The following GRHL3 variants were observed in gnomAD, a reference collection of about 807,000 sequenced individuals.
The protein encoded by GRHL3 is grainyhead-like protein 3 homolog.
In GRHL3, 20 loss-of-function variants were observed where a neutral mutation model predicts 70.3. The observed-to-expected ratio is 0.28, with a 90% CI of 0.20 to 0.41. The LOEUF is 0.41. Among genes scored for constraint, GRHL3 ranks in the 10% least tolerant of loss-of-function variants. GRHL3 has a pLI of 1.00. For missense variants in GRHL3, 637 were observed against 762.3 expected (o/e 0.84, Z 1.94); for synonymous variants, 299 against 299.9 (o/e 1.00, Z 0.03).
chr1:24,342,822 AAGG>A lies in GRHL3; in HGVS notation c.1285+53_1285+55del. On this transcript the variant is annotated intron_variant, in intron 10 of 15. Transcript: ENST00000361548. The surrounding 1 kb of genome is among the most constrained non-coding windows in gnomAD (Gnocchi z 4.8). ...TGGGCTCGGCTGGCGTGAAGGGGAG[AAGG>A]AGACCAGAGGTGGGAGGGACTTGAG... 1 of 1,613,694 alleles carries A rather than the reference AAGG, an allele frequency of 6.2e-7. No homozygotes were observed. The highest frequency in any genetic ancestry group is 2.2e-5 in the East Asian group (1 of 44,856).
At chr1:24,331,763 T>C (rs1639625090) in intron 2 of GRHL3, 151 bp downstream of exon 2, 1 of 536,786 alleles carries the variant, frequency 1.9e-6, no homozygotes, top group Non-Finnish European at 3.2e-6. Context: ...ACCCTCCCTT[T>C]CCCATGGCTA....
chr1:24,354,544 C>G lies in GRHL3; in HGVS notation c.*56C>G, dbSNP rs1029850274. 7.3e-6 allele frequency: 8 copies of G among 1,098,528 alleles called. No homozygotes were observed. The highest frequency in any genetic ancestry group is 2.2e-4 in the Middle Eastern group (1 of 4,510). The allele number at this position is 1,098,528 out of a possible 1,614,324, so 68.0% of individuals were successfully genotyped here. A position where few individuals can be genotyped will look rare whatever the true frequency, so the allele number is the denominator to read the frequency against. ...TGCAAGGGGCCAGCAGGGACGTGGC[C>G]CCACGCCACACACAACCTCTCCACA... On this transcript the variant is annotated 3_prime_UTR_variant, in exon 16 of 16. Transcript: ENST00000361548.
At chr1:24,339,299 A>G (rs1190819947) in intron 7 of GRHL3, among the ~76,000 whole-genome samples, 3 of 145,834 alleles carry the variant, frequency 2.1e-5, no homozygotes, top group Non-Finnish European at 4.5e-5. Context: ...TTTTTGAGAC[A>G]GAGTCTCGCT....
downstream of GRHL3, chr1:24,357,770 G>A (rs930594828): frequency 1.0e-5 from 2 of 192,612 alleles, no homozygotes; most frequent in East Asian, 2.5e-4. Context: ...CCTCCACATA[G>A]AGAGACGAAA....
At chr1:24,358,705 G>C, downstream of GRHL3, 1 of 1,079,546 alleles carries the variant, frequency 9.3e-7, no homozygotes, top group South Asian at 1.4e-5. Flanking sequence ...AGCTGGAAAG[G>C]CCTGGGGACC....
intron 1 of GRHL3, among the ~76,000 whole-genome samples, chr1:24,329,377 A>C (rs1209145003): frequency 1.3e-5 from 2 of 152,202 alleles, no homozygotes; most frequent in Non-Finnish European, 2.9e-5. Context: ...ACCTGATTAC[A>C]GGGGTCTCTG....
At position 24,322,230 on chromosome 1, in the gene GRHL3, G is replaced by C. The variant is rs1268684853; in HGVS notation, c.17+2662G>C. Among the ~76,000 whole-genome samples the C allele has an allele frequency of 2.0e-5, 3 of 152,268 alleles. No individual in the cohort carries two copies. In the East Asian group the frequency reaches 5.8e-4, roughly 30 times the overall value. ...CCGCGGCCTCGCTCCCTGCTCTCTGGGCCCCACCGCTGCCGCCTGGAGTCT... is the reference window on the plus strand; with the variant it reads ...CCGCGGCCTCGCTCCCTGCTCTCTGCGCCCCACCGCTGCCGCCTGGAGTCT... On this transcript the variant is annotated intron_variant, in intron 1 of 15. Transcript: ENST00000361548. This position sits in a 1 kb window ranked among gnomAD's most constrained non-coding sequence, Gnocchi z 4.4.
rs1388421104 is a variant in GRHL3, at chr1:24,346,396, A to T, written c.1455-157A>T. ...CTGGGATTCAAACCCAGGCAGTCCA[A>T]CTCCAGACCTGCTGCTTTACCCCCA... On this transcript the variant is annotated intron_variant, in intron 12 of 15. Transcript: ENST00000361548. Among the ~76,000 whole-genome samples the T allele has an allele frequency of 2.6e-5, 4 of 151,832 alleles. No homozygotes were observed. In the East Asian group the frequency reaches 7.7e-4, roughly 29 times the overall value.
chr1:24,358,577 T>A (rs1389928694), downstream of GRHL3: 11 of 1,613,944 alleles, frequency 6.8e-6, no homozygotes, highest in Admixed American at 1.8e-4. Flanking sequence ...GTCCTCGTTG[T>A]AGAGGAAGGA....
Position 24,331,524 on chromosome 1 carries a change from C to A in GRHL3, c.116C>A (p.Pro39Gln), listed in dbSNP as rs759937117. The part of the protein sequence containing the change: ...DEAWKTYLEN[P>Q]LTAATKAMMR... Reference sequence around the variant, plus strand: ...GCCTGGAAGACGTACCTAGAAAACCCGTTGACAGCTGCCACAAAGGCCATG... The same window carrying A: ...GCCTGGAAGACGTACCTAGAAAACCAGTTGACAGCTGCCACAAAGGCCATG... The change falls in exon 2 of 16, where the codon CCG becomes CAG. Residue 39 changes from proline (P) to glutamine (Q), a missense_variant. Pro to Gln is a moderately conservative substitution (Grantham distance 76, BLOSUM62 -1). Coordinates refer to ENST00000361548, the MANE Select transcript of GRHL3 (RefSeq NM_198173.3). The A allele has an allele frequency of 6.2e-7, 1 of 1,614,148 alleles. No individual in the cohort carries two copies.
At chr1:24,352,305 G>A (rs1305899071) in intron 15 of GRHL3, among the ~76,000 whole-genome samples, 1 of 152,194 alleles carries the variant, frequency 6.6e-6, no homozygotes, top group African/African-American at 2.4e-5. Flanking sequence ...AAAGTCCTCT[G>A]GATGAAGGTG....
chr1:24,335,390 TC>T (rs2148654824), intron 3 of GRHL3, among the ~76,000 whole-genome samples: 1 of 152,268 alleles, frequency 6.6e-6, no homozygotes, highest in African/African-American at 2.4e-5. Flanking sequence ...TTCTCCACTT[TC>T]TCCTTCCTGG....
intron 1 of GRHL3, among the ~76,000 whole-genome samples, chr1:24,328,111 A>G (rs1296612001): frequency 6.6e-6 from 1 of 152,318 alleles, no homozygotes; most frequent in East Asian, 1.9e-4. Context: ...GCCTTGCAAC[A>G]GAGAATTAGT....
intron 15 of GRHL3, among the ~76,000 whole-genome samples, chr1:24,351,752 A>G (rs1341271828): frequency 6.6e-6 from 1 of 152,180 alleles, no homozygotes; most frequent in Non-Finnish European, 1.5e-5. Flanking sequence ...AGCCCCAGCC[A>G]GCTATTGAAA....
intron 13 of GRHL3, among the ~76,000 whole-genome samples, 179 bp downstream of exon 13, chr1:24,346,820 C>T (rs1264859149): frequency 6.6e-6 from 1 of 152,172 alleles, no homozygotes; most frequent in Non-Finnish European, 1.5e-5. Context: ...CTTGGAGAGA[C>T]CACCACAGGA....
intron 1 of GRHL3, chr1:24,323,203 T>C: frequency 1.2e-6 from 1 of 820,770 alleles, no homozygotes; most frequent in Non-Finnish European, 2.1e-6. Context: ...GGAGTCATTA[T>C]TTTGAAAGAG....
At chr1:24,347,378 T>A in intron 13 of GRHL3, 90 bp from the exon 14 acceptor site, 2 of 1,169,858 alleles carry the variant, frequency 1.7e-6, no homozygotes, top group East Asian at 2.4e-5. Flanking sequence ...CAGAAGTCAA[T>A]CTTCAAGTAA....
Position 24,321,914 on chromosome 1 carries a change from G to C in GRHL3, c.17+2346G>C, listed in dbSNP as rs1315170166. On this transcript the variant is annotated intron_variant, in intron 1 of 15. Transcript: ENST00000361548. This position sits in a 1 kb window ranked among gnomAD's most constrained non-coding sequence, Gnocchi z 4.0. ...GGGCAGCCCCGGGCTACCGCAGGGC[G>C]CAAGGGATCCTGGGCTGCGGCCGAG... is the stretch of plus-strand genomic sequence containing the variant. 2 of 152,160 alleles carry C rather than the reference G, an allele frequency of 1.3e-5. No homozygotes were observed. The highest frequency in any genetic ancestry group is 4.8e-5 in the African/African-American group (2 of 41,450). 9.4% of individuals were successfully genotyped at this position (152,160 alleles called of 1,614,324 possible).
chr1:24,326,520 C>T (rs1639406001), intron 1 of GRHL3, among the ~76,000 whole-genome samples: 2 of 152,046 alleles, frequency 1.3e-5, no homozygotes, highest in African/African-American at 4.8e-5. Context: ...CTTCACCCAT[C>T]TAATGTTAAC....
Sources: gnomAD v4.1 joint callset for allele counts (sites outside exome capture counted in the v4.1 genomes callset) on GRCh38, gnomAD v4.1.1 for gene constraint, Gnocchi (gnomAD v3.1) non-coding constraint, MANE v1.5 for transcripts, NCBI Gene and HGNC (gene_info 2026-07-23, HGNC 2026-07-21) for gene names.